ITGA8: variants seen among roughly 807,000 people sequenced by gnomAD.
ITGA8 encodes the protein integrin subunit alpha 8, also known as integrin alpha-8.
Under a neutral mutation model 142.3 loss-of-function variants are expected in ITGA8, and 91 were observed. The ratio of observed to expected loss-of-function variants is 0.64; its 90% CI spans 0.54 to 0.76. The LOEUF is 0.76. Ranked by LOEUF, ITGA8 falls within the 30% of genes least tolerant of loss-of-function variation. The pLI is 0.00. For synonymous variants in ITGA8, 505 were observed against 485.2 expected (o/e 1.04, Z -0.54); for missense variants, 1,406 against 1,327.7 (o/e 1.06, Z -0.92).
rs1268312250 is a variant in ITGA8, at chr10:15,515,970, A to G, written c.*1188T>C. The stretch of plus-strand genomic sequence containing the variant: ...TTTTAAATAAAAATCTTTAGGAATC[A>G]GTTTTCCCAGTTTGGCTCATGCCTG... On this transcript the variant is annotated 3_prime_UTR_variant, in exon 30 of 30. Transcript: ENST00000378076. 6.6e-6 allele frequency: 1 copy of G among 152,196 alleles called. No individual in the cohort carries two copies. The highest frequency in any genetic ancestry group is 2.4e-5 in the African/African-American group (1 of 41,460). 9.4% of individuals were successfully genotyped at this position (152,196 alleles called of 1,614,324 possible). A position where few individuals can be genotyped will look rare whatever the true frequency, so the allele number is the denominator to read the frequency against.
chr10:15,626,061 C>T (rs532607759), intron 13 of ITGA8, among the ~76,000 whole-genome samples: 1 of 152,256 alleles, frequency 6.6e-6, no homozygotes, highest in South Asian at 2.1e-4. Context: ...CAGGCAAAAA[C>T]TCCATTTGCA....
At chr10:15,655,131 TCC>T (rs935221345) in intron 11 of ITGA8, among the ~76,000 whole-genome samples, 50 of 152,232 alleles carry the variant, frequency 3.3e-4, no homozygotes, top group African/African-American at 1.2e-3. Flanking sequence ...AAAATAGTCC[TCC>T]TCTAGAAGCA....
At chr10:15,527,906 C>CAT (rs1477496379) in intron 28 of ITGA8, among the ~76,000 whole-genome samples, 5 of 78,036 alleles carry the variant, frequency 6.4e-5, no homozygotes, top group East Asian at 4.6e-4. Context: ...TTCGGCTGGG[C>CAT]TTTTTTTTTT....
intron 13 of ITGA8, among the ~76,000 whole-genome samples, chr10:15,631,251 A>G (rs1400047842): frequency 6.6e-6 from 1 of 151,994 alleles, no homozygotes; most frequent in Non-Finnish European, 1.5e-5. Context: ...ATTCTACTAT[A>G]AAGACACATG....
chr10:15,654,707 G>A (rs1011585500), intron 11 of ITGA8, among the ~76,000 whole-genome samples: 1 of 152,178 alleles, frequency 6.6e-6, no homozygotes, highest in African/African-American at 2.4e-5. Context: ...ACAAAGCCTG[G>A]AACGTGGTGT....
chr10:15,688,730 G>A (rs867170897), intron 2 of ITGA8, among the ~76,000 whole-genome samples: 43 of 152,290 alleles, frequency 2.8e-4, no homozygotes, highest in Middle Eastern at 6.8e-3. Context: ...CCACATTAAT[G>A]AGATGAAGGG....
intron 27 of ITGA8, among the ~76,000 whole-genome samples, chr10:15,546,055 A>G (rs1021757766): frequency 6.6e-6 from 1 of 152,116 alleles, no homozygotes; most frequent in Non-Finnish European, 1.5e-5. Flanking sequence ...AGCTCGTTGT[A>G]TTCTGTCTGG....
chr10:15,683,709 G>A (rs1013356640), intron 4 of ITGA8, among the ~76,000 whole-genome samples: 6 of 152,346 alleles, frequency 3.9e-5, no homozygotes, highest in African/African-American at 9.6e-5. Flanking sequence ...GACACGGAAC[G>A]TGAATTTTGA....
chr10:15,685,285 C>T (rs997043627), intron 3 of ITGA8, among the ~76,000 whole-genome samples: 2 of 152,214 alleles, frequency 1.3e-5, no homozygotes, highest in Non-Finnish European at 2.9e-5. Flanking sequence ...TAAATGCCCT[C>T]TCCATTCTAA....
chr10:15,589,105 C>T (rs1416999521), intron 22 of ITGA8, among the ~76,000 whole-genome samples: 1 of 152,216 alleles, frequency 6.6e-6, no homozygotes, highest in East Asian at 1.9e-4. Context: ...ACTATTTAAA[C>T]TGTTGGTGCT....
At chr10:15,660,772 A>G in intron 9 of ITGA8, 107 bp downstream of exon 9, 1 of 905,206 alleles carries the variant, frequency 1.1e-6, no homozygotes, top group Non-Finnish European at 1.8e-6. Context: ...GTGTGTTTTC[A>G]ACTGACAGTA....
intron 27 of ITGA8, among the ~76,000 whole-genome samples, chr10:15,532,839 A>G (rs969586453): frequency 1.3e-5 from 2 of 152,246 alleles, no homozygotes; most frequent in Non-Finnish European, 2.9e-5. Flanking sequence ...TCTAAAAAAA[A>G]GGTAATAAAT....
chr10:15,618,943 G>A (rs1833442501), intron 13 of ITGA8, among the ~76,000 whole-genome samples: 1 of 152,222 alleles, frequency 6.6e-6, no homozygotes, highest in South Asian at 2.1e-4. Context: ...CATGTGAACA[G>A]AGAGAGACTG....
chr10:15,557,545 G>T (rs1833907600), intron 26 of ITGA8, among the ~76,000 whole-genome samples: 1 of 152,196 alleles, frequency 6.6e-6, no homozygotes, highest in Non-Finnish European at 1.5e-5. Context: ...TAGAGGCTGG[G>T]TCTTGCTATG....
intron 18 of ITGA8, 80 bp from the exon 19 acceptor site, chr10:15,605,871 C>T (rs1194274860): frequency 1.6e-6 from 2 of 1,289,256 alleles, no homozygotes; most frequent in Non-Finnish European, 2.2e-6. Flanking sequence ...CTGAATGGTG[C>T]CACAAACGGA....
At chr10:15,534,033 A>C (rs2131544873) in intron 27 of ITGA8, among the ~76,000 whole-genome samples, 1 of 152,134 alleles carries the variant, frequency 6.6e-6, no homozygotes, top group Middle Eastern at 3.4e-3. Flanking sequence ...CAGCCTCCCA[A>C]GTAGCTGGGA....
intron 28 of ITGA8, among the ~76,000 whole-genome samples, chr10:15,525,456 A>T (rs545473641): frequency 1.3e-5 from 2 of 152,126 alleles, no homozygotes; most frequent in South Asian, 4.2e-4. Context: ...CAGCCTGGCC[A>T]ACATGATGAA....
At chr10:15,529,390 G>T (rs1220765072) in intron 28 of ITGA8, among the ~76,000 whole-genome samples, 2 of 152,222 alleles carry the variant, frequency 1.3e-5, no homozygotes, top group Non-Finnish European at 2.9e-5. Flanking sequence ...GTGGTGGACT[G>T]TCTCAGAGAG....
rs1479823099 is a variant in ITGA8, at chr10:15,602,801, G to A, written c.2118+1407C>T. Among the ~76,000 whole-genome samples, 5 of 152,100 alleles carry A rather than the reference G, an allele frequency of 3.3e-5. No individual in the cohort carries two copies. In the East Asian group the frequency reaches 7.7e-4, roughly 24 times the overall value. ...ATAAACCACTCACTGGAGAAATTAG[G>A]GTTTATACTGATTTTCATGTTTGAA... On this transcript the variant is annotated intron_variant, in intron 20 of 29. Coordinates refer to ENST00000378076, the MANE Select transcript of ITGA8 (RefSeq NM_003638.3).
Sources: gnomAD v4.1 joint callset for allele counts (sites outside exome capture counted in the v4.1 genomes callset) on GRCh38, gnomAD v4.1.1 for gene constraint, MANE v1.5 for transcripts, NCBI Gene and HGNC (gene_info 2026-07-23, HGNC 2026-07-21) for gene names.